SHISA6: variants seen among roughly 807,000 people sequenced by gnomAD.
SHISA6 encodes shisa family member 6.
SHISA6 carries 22 observed loss-of-function variants against 47.9 expected under a neutral mutation model. That is an observed-to-expected ratio of 0.46 (90% confidence interval 0.33 to 0.66). The LOEUF (loss-of-function observed/expected upper bound fraction) is 0.66, where lower values mean the gene tolerates loss of function less well. SHISA6 is among the 30% of genes least tolerant of loss of function. The pLI is 0.02. For missense variants in SHISA6, 680 were observed against 764.6 expected (o/e 0.89, Z 1.30); for synonymous variants, 388 against 337.8 (o/e 1.15, Z -1.63).
chr17:11,285,974 T>A (rs1909284188), intron 2 of SHISA6, among the ~76,000 whole-genome samples: 1 of 151,962 alleles, frequency 6.6e-6, no homozygotes, highest in Admixed American at 6.6e-5. Context: ...ATAGCTGGGA[T>A]TACAGGCACG....
intron 3 of SHISA6, among the ~76,000 whole-genome samples, chr17:11,390,204 G>C (rs1433836563): frequency 6.6e-6 from 1 of 152,204 alleles, no homozygotes; most frequent in East Asian, 1.9e-4. Flanking sequence ...GAAGAAAACT[G>C]GTGAAGAGAG....
chr17:11,252,748 A>G (rs1473502788), intron 1 of SHISA6, among the ~76,000 whole-genome samples: 1 of 151,712 alleles, frequency 6.6e-6, no homozygotes, highest in Non-Finnish European at 1.5e-5. Flanking sequence ...TGAAGGTGAG[A>G]CTCCTCTTAA....
chr17:11,272,307 C>T (rs1436609937), intron 2 of SHISA6, among the ~76,000 whole-genome samples: 1 of 152,162 alleles, frequency 6.6e-6, no homozygotes, highest in Non-Finnish European at 1.5e-5. Context: ...TTCACTTTCC[C>T]TCAGCCTAGC....
chr17:11,249,011 G>A (rs1053345940), intron 1 of SHISA6, among the ~76,000 whole-genome samples: 6 of 151,972 alleles, frequency 3.9e-5, no homozygotes, highest in South Asian at 4.2e-4. Context: ...TGGTGGCGGC[G>A]CCTGTAGTCC....
chr17:11,313,418 T>C (rs1285393963), intron 2 of SHISA6, among the ~76,000 whole-genome samples: 1 of 152,224 alleles, frequency 6.6e-6, no homozygotes, highest in East Asian at 1.9e-4. Flanking sequence ...TGAATTCCTG[T>C]AGCTGCTAAG....
chr17:11,241,363 G>C lies in SHISA6; in HGVS notation c.-60G>C. 1.0e-6 allele frequency: 1 copy of C among 1,003,026 alleles called. No individual in the cohort carries two copies. The highest frequency in any genetic ancestry group is 1.2e-6 in the Non-Finnish European group (1 of 841,006). The allele number at this position is 1,003,026 out of a possible 1,614,324, so 62.1% of individuals were successfully genotyped here. On this transcript the variant is annotated 5_prime_UTR_variant, in exon 1 of 6. Transcript: ENST00000441885. The surrounding 1 kb of genome is among the most constrained non-coding windows in gnomAD (Gnocchi z 5.5). ...CCGCGCGGCGGGTCCTCCGAGCCCG[G>C]CCCGCCGGGGGAGCGGCCTGCCGCG... is the stretch of plus-strand genomic sequence containing the variant.
intron 3 of SHISA6, among the ~76,000 whole-genome samples, chr17:11,427,113 C>T (rs1047600174): frequency 6.6e-6 from 1 of 151,992 alleles, no homozygotes; most frequent in Non-Finnish European, 1.5e-5. Context: ...CAGAACAACC[C>T]CTCTTTCGTA....
At chr17:11,403,033 T>C (rs1352505281) in intron 3 of SHISA6, among the ~76,000 whole-genome samples, 1 of 152,172 alleles carries the variant, frequency 6.6e-6, no homozygotes, top group Non-Finnish European at 1.5e-5. Context: ...TGGAGGAGGG[T>C]TGAAGGAAAA....
At chr17:11,438,764 C>G (rs1305826055) in intron 3 of SHISA6, among the ~76,000 whole-genome samples, 1 of 152,126 alleles carries the variant, frequency 6.6e-6, no homozygotes, top group Non-Finnish European at 1.5e-5. Flanking sequence ...TGAACTCACT[C>G]TATTTTAAAG....
At chr17:11,513,198 GTGTGTATA>G (rs1468701118) in intron 3 of SHISA6, among the ~76,000 whole-genome samples, 54 of 41,162 alleles carry the variant, frequency 1.3e-3, no homozygotes, top group African/African-American at 5.5e-3. Flanking sequence ...ACATATATAT[GTGTGTATA>G]TATGTATGTG....
intron 3 of SHISA6, among the ~76,000 whole-genome samples, chr17:11,395,513 C>CTTT (rs886287303): frequency 3.8e-4 from 45 of 117,368 alleles, no homozygotes; most frequent in Non-Finnish European, 5.6e-4. Context: ...GGCAGTTTTA[C>CTTT]TTTTTTTTTT....
intron 2 of SHISA6, among the ~76,000 whole-genome samples, chr17:11,313,183 A>G (rs1292803227): frequency 1.3e-5 from 2 of 152,262 alleles, no homozygotes; most frequent in African/African-American, 2.4e-5. Flanking sequence ...CTCATGCAGT[A>G]TCTGGTAGTG....
intron 3 of SHISA6, among the ~76,000 whole-genome samples, chr17:11,525,642 AAAAAAAAAAC>A (rs1408441466): frequency 0.014 from 1,397 of 102,808 alleles, 58 homozygotes; most frequent in African/African-American, 0.052. Flanking sequence ...AAAAAAAAAA[AAAAAAAAAAC>A]AAAAAAAAAA....
In SHISA6 at chr17:11,241,965, C is replaced by A; in HGVS notation, c.543C>A (p.Thr181=). 1 of 1,551,000 alleles carries A rather than the reference C, an allele frequency of 6.4e-7. No homozygotes were observed. The highest frequency in any genetic ancestry group is 8.7e-7 in the Non-Finnish European group (1 of 1,147,024). ...AGACCAACTTCACCGTCTACATCAC[C>A]TGCGGGGTGATCGCCTTCGTCATCG... The part of the protein sequence containing the change: ...KDKTNFTVYI[T]CGVIAFVIVA... Residue 181 remains threonine (T), a synonymous_variant, in exon 1 of 6, where the codon ACC becomes ACA. Coordinates refer to ENST00000441885, the MANE Select transcript of SHISA6 (RefSeq NM_207386.4). This position sits in a 1 kb window ranked among gnomAD's most constrained non-coding sequence, Gnocchi z 5.5.
At chr17:11,523,709 CTT>C (rs1278440242) in intron 3 of SHISA6, among the ~76,000 whole-genome samples, 3 of 152,118 alleles carry the variant, frequency 2.0e-5, no homozygotes, top group African/African-American at 7.2e-5. Context: ...ATCTTGAACT[CTT>C]TAAAAATAAT....
intron 3 of SHISA6, among the ~76,000 whole-genome samples, chr17:11,446,478 G>A (rs1915240982): frequency 6.6e-6 from 1 of 152,146 alleles, no homozygotes; most frequent in Non-Finnish European, 1.5e-5. Flanking sequence ...TAATTACTGT[G>A]GCTCTGACCT....
chr17:11,301,045 ACTT>A (rs1276066315), intron 2 of SHISA6, among the ~76,000 whole-genome samples: 5 of 152,134 alleles, frequency 3.3e-5, no homozygotes, highest in Admixed American at 6.5e-5. Context: ...AAGCAAAAGA[ACTT>A]CTCCAGTACA....
chr17:11,325,880 A>G (rs564060989), intron 2 of SHISA6, among the ~76,000 whole-genome samples: 7 of 152,288 alleles, frequency 4.6e-5, no homozygotes, highest in African/African-American at 1.2e-4. Context: ...AACAATGCCA[A>G]AAAACAATAA....
intron 3 of SHISA6, among the ~76,000 whole-genome samples, chr17:11,499,050 T>C (rs1218484769): frequency 2.6e-5 from 4 of 152,128 alleles, no homozygotes; most frequent in African/African-American, 7.2e-5. Context: ...CTTCAGAGAT[T>C]GGGCTGGGCT....
Sources: allele counts gnomAD v4.1 joint callset (sites outside exome capture counted in the v4.1 genomes callset), GRCh38; gene constraint gnomAD v4.1.1; non-coding constraint Gnocchi (gnomAD v3.1); transcripts MANE v1.5; gene names NCBI Gene and HGNC (gene_info 2026-07-23, HGNC 2026-07-21).